MYO1D: variants seen among roughly 807,000 people sequenced by gnomAD.
MYO1D encodes unconventional myosin-Id.
A neutral mutation model predicts 122.0 loss-of-function variants in MYO1D; 83 were observed. The observed-to-expected ratio is 0.68, with a 90% CI of 0.57 to 0.82. The LOEUF (loss-of-function observed/expected upper bound fraction) is 0.82, where lower values mean the gene tolerates loss of function less well. Among genes scored for constraint, MYO1D ranks in the 40% least tolerant of loss-of-function variants. The pLI, the probability that MYO1D is intolerant of heterozygous loss-of-function variation, is 0.00. For synonymous variants in MYO1D, 464 were observed against 446.9 expected, an observed-to-expected ratio of 1.04 and a Z score of -0.48; for missense variants, 1,157 against 1,269.5, an observed-to-expected ratio of 0.91 and a Z score of 1.35.
chr17:32,577,283 C>G (rs1251250836), intron 21 of MYO1D, among the ~76,000 whole-genome samples: 2 of 151,192 alleles, frequency 1.3e-5, no homozygotes, highest in African/African-American at 4.9e-5. Context: ...AGGTACCGTA[C>G]CCGGCCTAAT....
chr17:32,865,735 C>CA (rs1567677858), intron 1 of MYO1D, among the ~76,000 whole-genome samples: 9 of 152,304 alleles, frequency 5.9e-5, no homozygotes, highest in Non-Finnish European at 1.2e-4. Context: ...CAATCCCATG[C>CA]TGGGATAATT....
chr17:32,598,259 A>T (rs2087521309), intron 21 of MYO1D, among the ~76,000 whole-genome samples: 1 of 152,124 alleles, frequency 6.6e-6, no homozygotes, highest in South Asian at 2.1e-4. Flanking sequence ...CTGCAATTCC[A>T]GCTACTCAGG....
chr17:32,565,959 A>T (rs2087169698), intron 21 of MYO1D, among the ~76,000 whole-genome samples: 1 of 152,134 alleles, frequency 6.6e-6, no homozygotes, highest in Admixed American at 6.5e-5. Flanking sequence ...TCCTGACCTC[A>T]GGCGATCCAC....
chr17:32,815,328 A>C (rs1425648392), intron 1 of MYO1D, among the ~76,000 whole-genome samples: 1 of 152,318 alleles, frequency 6.6e-6, no homozygotes, highest in South Asian at 2.1e-4. Flanking sequence ...CCAGCTCTTG[A>C]CTTATAGAAG....
intron 21 of MYO1D, among the ~76,000 whole-genome samples, chr17:32,544,536 T>C (rs2086948027): frequency 6.6e-6 from 1 of 152,228 alleles, no homozygotes; most frequent in Non-Finnish European, 1.5e-5. Flanking sequence ...GTGGTAAAAG[T>C]TCTGTTGCTG....
intron 14 of MYO1D, among the ~76,000 whole-genome samples, chr17:32,735,081 A>AACACAC (rs371150333): frequency 0.029 from 4,017 of 138,020 alleles, 87 homozygotes; most frequent in East Asian, 0.072. Context: ...ATTCCATCTG[A>AACACAC]ACACACACAC....
intron 15 of MYO1D, 101 bp from the exon 16 acceptor site, chr17:32,712,296 C>T: frequency 9.9e-7 from 1 of 1,005,516 alleles, no homozygotes; most frequent in Non-Finnish European, 1.5e-6. Context: ...AAAACCAAAT[C>T]TTAGCAAACT....
chr17:32,511,292 T>C (rs898849668), intron 21 of MYO1D, among the ~76,000 whole-genome samples: 1 of 152,064 alleles, frequency 6.6e-6, no homozygotes, highest in Non-Finnish European at 1.5e-5. Context: ...GGCATGATCA[T>C]AGTTCACTGC....
At chr17:32,738,216 T>G in intron 14 of MYO1D, 37 bp downstream of exon 14, 1 of 1,516,430 alleles carries the variant, frequency 6.6e-7, no homozygotes, top group Non-Finnish European at 8.9e-7. Flanking sequence ...AGGAAATCTA[T>G]GAGTTAAAAT....
intron 1 of MYO1D, among the ~76,000 whole-genome samples, chr17:32,856,783 T>C (rs1421835329): frequency 6.6e-6 from 1 of 152,246 alleles, no homozygotes; most frequent in Non-Finnish European, 1.5e-5. Context: ...TCCTTGGCCC[T>C]TTTCTCACAT....
intron 1 of MYO1D, among the ~76,000 whole-genome samples, chr17:32,849,749 C>T (rs964621106): frequency 6.6e-6 from 1 of 151,916 alleles, no homozygotes; most frequent in African/African-American, 2.4e-5. Flanking sequence ...GCCAGCATGG[C>T]ACATGTATAC....
chr17:32,679,869 A>G (rs1033770346), intron 16 of MYO1D, among the ~76,000 whole-genome samples: 2 of 150,658 alleles, frequency 1.3e-5, no homozygotes, highest in African/African-American at 5.0e-5. Flanking sequence ...CATTTTCACG[A>G]TATTGATTCT....
intron 1 of MYO1D, among the ~76,000 whole-genome samples, chr17:32,797,800 C>T (rs1293704157): frequency 6.6e-6 from 1 of 152,158 alleles, no homozygotes; most frequent in Non-Finnish European, 1.5e-5. Flanking sequence ...TTCATTTCAG[C>T]TTACTGTCAC....
chr17:32,723,725 G>A (rs902414788), intron 14 of MYO1D, among the ~76,000 whole-genome samples: 1 of 152,134 alleles, frequency 6.6e-6, no homozygotes, highest in African/African-American at 2.4e-5. Context: ...ATCCAGGCAC[G>A]CCATTTGAGT....
intron 21 of MYO1D, chr17:32,498,072 A>C (rs1318714222): frequency 1.3e-5 from 2 of 152,222 alleles, no homozygotes; most frequent in Non-Finnish European, 2.9e-5. Context: ...TGGGCGGAGG[A>C]GCCCCAGCAC....
chr17:32,606,422 C>T (rs1044972662), intron 20 of MYO1D, among the ~76,000 whole-genome samples: 4 of 152,176 alleles, frequency 2.6e-5, no homozygotes, highest in African/African-American at 9.7e-5. Flanking sequence ...TATCCTTCAT[C>T]AACACGGATG....
At chr17:32,809,149 A>C (rs1255803429) in intron 1 of MYO1D, among the ~76,000 whole-genome samples, 3 of 151,798 alleles carry the variant, frequency 2.0e-5, no homozygotes, top group Non-Finnish European at 4.4e-5. Flanking sequence ...AAAAAAAAAA[A>C]AACTGTCACC....
chr17:32,839,917 A>T (rs1287980421), intron 1 of MYO1D, among the ~76,000 whole-genome samples: 1 of 152,242 alleles, frequency 6.6e-6, no homozygotes, highest in Non-Finnish European at 1.5e-5. Flanking sequence ...AATGCCAAAA[A>T]GACATAGTTC....
At chr17:32,733,809 T>C (rs781603919) in intron 14 of MYO1D, among the ~76,000 whole-genome samples, 3 of 152,246 alleles carry the variant, frequency 2.0e-5, no homozygotes, top group Non-Finnish European at 4.4e-5. Context: ...CGTTAGTTCA[T>C]GGCTAGATTC....
Sources: allele counts gnomAD v4.1 joint callset (sites outside exome capture counted in the v4.1 genomes callset), GRCh38; gene constraint gnomAD v4.1.1; transcripts MANE v1.5; gene names NCBI Gene and HGNC (gene_info 2026-07-23, HGNC 2026-07-21).